Variants in GART observed in about 807,000 individuals in gnomAD.
GART encodes phosphoribosylglycinamide formyltransferase, phosphoribosylglycinamide synthetase, phosphoribosylaminoimidazole synthetase.
GART carries 43 observed loss-of-function variants against 107.2 expected under a neutral mutation model. The observed-to-expected ratio is 0.40, with a 90% CI of 0.31 to 0.52. The LOEUF is 0.52. Ranked by LOEUF, GART falls within the 20% of genes least tolerant of loss-of-function variation. The probability of loss-of-function intolerance (pLI) is 0.52; values close to 1 mark genes in which losing one functional copy is unlikely to be tolerated. For synonymous variants in GART, 434 were observed against 427.0 expected (o/e 1.02, Z -0.20); for missense variants, 1,107 against 1,206.5 (o/e 0.92, Z 1.22).
At chr21:33,525,083 T>TA in intron 10 of GART, 83 bp from the exon 11 acceptor site, 1 of 1,456,702 alleles carries the variant, frequency 6.9e-7, no homozygotes. Context: ...TCCACAAGTT[T>TA]CTTTTTTTTT....
chr21:33,514,068 A>G (rs548001527), intron 16 of GART, among the ~76,000 whole-genome samples: 1 of 152,270 alleles, frequency 6.6e-6, no homozygotes, highest in South Asian at 2.1e-4. Context: ...GGAGTTTAAG[A>G]TCAGCCTGGG....
chr21:33,520,829 G>A, intron 13 of GART, 77 bp downstream of exon 13: 1 of 1,125,542 alleles, frequency 8.9e-7, no homozygotes, highest in Non-Finnish European at 1.3e-6. Flanking sequence ...TATATGTCAA[G>A]AGAAGAAAAA....
intron 1 of GART, among the ~76,000 whole-genome samples, chr21:33,540,443 G>A (rs918018413): frequency 6.6e-6 from 1 of 152,216 alleles, no homozygotes; most frequent in East Asian, 1.9e-4. Flanking sequence ...TACAAAAGCA[G>A]GCAGCAGAAG....
chr21:33,517,951 T>C (rs1479911935), intron 14 of GART, among the ~76,000 whole-genome samples: 1 of 152,240 alleles, frequency 6.6e-6, no homozygotes, highest in African/African-American at 2.4e-5. Flanking sequence ...TTGATCTTTA[T>C]AATCAGTCCA....
In GART at chr21:33,520,936, A is replaced by G. The variant is rs780619061; in HGVS notation, c.1473T>C (p.Ser491=). The G allele has an allele frequency of 6.2e-7, 1 of 1,613,862 alleles. No homozygotes were observed. The highest frequency in any genetic ancestry group is 8.5e-7 in the Non-Finnish European group (1 of 1,179,870). The part of the protein sequence containing the change: ...AAGFKDPLLA[S]GTDGVGTKLK... ...GTTTAGTTCCAACGCCATCTGTTCC[A>G]GAGGCCAGAAGGGGATCTTTGAAAC... The change falls in exon 13 of 22, where the codon TCT becomes TCC. Residue 491 remains serine, a synonymous_variant. Coordinates refer to ENST00000381815, the MANE Select transcript of GART (RefSeq NM_000819.5).
intron 18 of GART, among the ~76,000 whole-genome samples, chr21:33,507,091 A>G (rs902237145): frequency 1.4e-4 from 22 of 152,232 alleles, no homozygotes; most frequent in African/African-American, 4.8e-4. Flanking sequence ...TCAGTGTATC[A>G]AAGAGATACC....
intron 16 of GART, among the ~76,000 whole-genome samples, chr21:33,516,274 G>GA (rs950984148): frequency 7.2e-6 from 1 of 138,450 alleles, no homozygotes; most frequent in Non-Finnish European, 1.6e-5. Flanking sequence ...AAAAAGAAAA[G>GA]AAAAAAATCC....
Position 33,511,365 on chromosome 21 carries a change from CCA to C in GART, c.2199_2200del (p.Cys733TrpfsTer38). On this transcript the variant is annotated frameshift_variant, in exon 17 of 22. Transcript: ENST00000381815. LOFTEE classifies it high-confidence loss of function. ...TGATACCACAAGGACAGCGCCAACC[CCA>C]CAGTTAAATGTTCTGGCCATCTCTT... 6.2e-7 allele frequency: 1 copy of C among 1,614,130 alleles called. No homozygotes were observed. The highest frequency in any genetic ancestry group is 8.5e-7 in the Non-Finnish European group (1 of 1,180,026).
chr21:33,532,980 A>T (rs2085222097), intron 4 of GART, among the ~76,000 whole-genome samples: 1 of 152,088 alleles, frequency 6.6e-6, no homozygotes, highest in Non-Finnish European at 1.5e-5. Flanking sequence ...ACTCTTTAGG[A>T]TATGAATGAA....
At chr21:33,536,190 G>C (rs2085301467) in intron 2 of GART, among the ~76,000 whole-genome samples, 1 of 152,108 alleles carries the variant, frequency 6.6e-6, no homozygotes, top group South Asian at 2.1e-4. Context: ...GGCTATTTTG[G>C]GTTGGGTCAG....
At position 33,530,659 on chromosome 21, in the gene GART, A is replaced by G. The variant is rs1245292927; in HGVS notation, c.723+100T>C. On this transcript the variant is annotated intron_variant, in intron 7 of 21. Coordinates refer to ENST00000381815, the MANE Select transcript of GART (RefSeq NM_000819.5). Reference sequence around the variant, plus strand: ...CTGATTAGTAACATAATTCATAGCAACAAACAAACAGAAAACAAAACAAAA... The same window carrying G: ...CTGATTAGTAACATAATTCATAGCAGCAAACAAACAGAAAACAAAACAAAA... 3 of 1,193,196 alleles carry G rather than the reference A, an allele frequency of 2.5e-6. No homozygotes were observed. In the African/African-American group the frequency reaches 4.7e-5, roughly 19 times the overall value. 73.9% of individuals were successfully genotyped at this position (1,193,196 alleles called of 1,614,324 possible). A position where few individuals can be genotyped will look rare whatever the true frequency, so the allele number is the denominator to read the frequency against.
At chr21:33,537,400 A>C in intron 2 of GART, among the ~76,000 whole-genome samples, 1 of 152,202 alleles carries the variant, frequency 6.6e-6, no homozygotes, top group Non-Finnish European at 1.5e-5. Flanking sequence ...TGTGCCACAT[A>C]GGGAACTAAG....
At position 33,520,506 on chromosome 21, in the gene GART, A is replaced by G. The variant is rs749543929; in HGVS notation, c.1560T>C (p.Cys520=). 1.2e-6 allele frequency: 2 copies of G among 1,614,208 alleles called. No homozygotes were observed. ...CTCCTTGTGCCAGAATATCATTAAC[A>G]CACATTGCTACCAAATCTTGACCAA... ...DTIGQDLVAM[C]VNDILAQGAE... Residue 520 remains cysteine, a synonymous_variant, in exon 14 of 22, where the codon TGT becomes TGC. Coordinates refer to ENST00000381815, the MANE Select transcript of GART (RefSeq NM_000819.5).
At chr21:33,534,873 G>C in intron 3 of GART, 120 bp from the exon 4 acceptor site, 1 of 807,030 alleles carries the variant, frequency 1.2e-6, no homozygotes, top group Non-Finnish European at 1.8e-6. Context: ...TGGTGGCAGA[G>C]GATAACTAAC....
In GART at chr21:33,535,328, CAGA is replaced by C; in HGVS notation, c.146-11_146-9del. On this transcript the variant is annotated splice_polypyrimidine_tract_variant and intron_variant, in intron 2 of 21. Transcript: ENST00000381815. ...GGTCACTGATTGAGATGGCTGTAAA[CAGA>C]AAAAAAAAAAAAAAAACCACTGCAT... The C allele has an allele frequency of 6.1e-6, 2 of 326,884 alleles. No homozygotes were observed. Among genetic ancestry groups the C allele is most frequent in the Non-Finnish European group, 1.0e-5 (2 of 190,898 alleles). The allele number at this position is 326,884 out of a possible 1,614,324, so 20.2% of individuals were successfully genotyped here. A position where few individuals can be genotyped will look rare whatever the true frequency, so the allele number is the denominator to read the frequency against.
At chr21:33,508,173 C>T (rs1215741649) in intron 18 of GART, among the ~76,000 whole-genome samples, 1 of 152,002 alleles carries the variant, frequency 6.6e-6, no homozygotes, top group Non-Finnish European at 1.5e-5. Flanking sequence ...TGTAATTGCT[C>T]CCACAAATTC....
intron 1 of GART, 93 bp from the exon 2 acceptor site, chr21:33,539,449 T>C: frequency 1.1e-6 from 1 of 903,124 alleles, no homozygotes; most frequent in East Asian, 3.0e-5. Flanking sequence ...CCCCAGCATT[T>C]TGGGAGGCCG....
intron 2 of GART, among the ~76,000 whole-genome samples, chr21:33,537,750 G>A (rs62227704): frequency 6.6e-6 from 1 of 152,096 alleles, no homozygotes; most frequent in South Asian, 2.1e-4. Context: ...ATAGGGTATA[G>A]TGAAAAGAGA....
intron 5 of GART, 66 bp from the exon 6 acceptor site, chr21:33,531,623 G>A (rs1185574449): frequency 7.1e-6 from 10 of 1,413,992 alleles, no homozygotes; most frequent in Non-Finnish European, 9.6e-6. Context: ...TTGATACTTA[G>A]TTGACTTTTA....
Sources: allele counts gnomAD v4.1 joint callset (sites outside exome capture counted in the v4.1 genomes callset), GRCh38; gene constraint gnomAD v4.1.1; transcripts MANE v1.5; gene names NCBI Gene and HGNC (gene_info 2026-07-23, HGNC 2026-07-21).